LEF1: variants seen among roughly 807,000 people sequenced by gnomAD.
LEF1 encodes the protein lymphoid enhancer binding factor 1.
In LEF1, 14 loss-of-function variants were observed where a neutral mutation model predicts 51.2. The observed-to-expected ratio is 0.27, with a 90% CI of 0.18 to 0.43. The LOEUF (loss-of-function observed/expected upper bound fraction) is 0.43, where lower values mean the gene tolerates loss of function less well. Among genes scored for constraint, LEF1 ranks in the 20% least tolerant of loss-of-function variants. The pLI is 1.00. For missense variants in LEF1, 386 were observed against 512.0 expected, an observed-to-expected ratio of 0.75 and a Z score of 2.37; for synonymous variants, 185 against 183.2, an observed-to-expected ratio of 1.01 and a Z score of -0.08.
intron 8 of LEF1, among the ~76,000 whole-genome samples, chr4:108,073,578 T>C (rs1038781120): frequency 3.3e-5 from 5 of 152,168 alleles, no homozygotes; most frequent in Admixed American, 6.5e-5. Flanking sequence ...TTTATTACTG[T>C]ATCAGTATAG....
chr4:108,109,297 C>A (rs367815785), intron 3 of LEF1, among the ~76,000 whole-genome samples: 1 of 152,218 alleles, frequency 6.6e-6, no homozygotes, highest in Non-Finnish European at 1.5e-5. Flanking sequence ...AGAAGCTAAA[C>A]GCTGTTGACT....
chr4:108,124,620 G>A (rs952887323), intron 3 of LEF1, among the ~76,000 whole-genome samples: 13 of 152,092 alleles, frequency 8.5e-5, no homozygotes, highest in South Asian at 2.1e-4. Context: ...CACCTGCCTC[G>A]GCCTCCCAAA....
At position 108,157,185 on chromosome 4, in the gene LEF1, C is replaced by T. The variant is rs867651079; in HGVS notation, c.414+6383G>A. On this transcript the variant is annotated intron_variant, in intron 3 of 11. Transcript: ENST00000265165. ...CTCTCTCTCTATATATATATACACACACACACACACACACACACACACACA... is the reference window on the plus strand; with the variant it reads ...CTCTCTCTCTATATATATATACACATACACACACACACACACACACACACA... Among the ~76,000 whole-genome samples the T allele has an allele frequency of 2.1e-3, 302 of 145,192 alleles. 3 individuals carry two copies. The highest frequency in any genetic ancestry group is 5.8e-3 in the East Asian group (29 of 4,982).
intron 3 of LEF1, among the ~76,000 whole-genome samples, chr4:108,122,950 C>T (rs1742270686): frequency 6.6e-6 from 1 of 152,214 alleles, no homozygotes; most frequent in South Asian, 2.1e-4. Context: ...ATAACACTTA[C>T]GACAACACAG....
chr4:108,125,735 G>A (rs1488999528), intron 3 of LEF1, among the ~76,000 whole-genome samples: 1 of 149,120 alleles, frequency 6.7e-6, no homozygotes, highest in Admixed American at 6.7e-5. Context: ...TTTTTAGCAC[G>A]CATATTGGGA....
rs541603269 is a variant in LEF1, at chr4:108,127,767, G to C, written c.414+35801C>G. ...CAAGAGAACTTAGAGATGCAACAGG[G>C]GGGTATGTAGCTTGTACAAGACAAA... is the stretch of plus-strand genomic sequence containing the variant. On this transcript the variant is annotated intron_variant, in intron 3 of 11. Coordinates refer to ENST00000265165, the MANE Select transcript of LEF1 (RefSeq NM_016269.5). Among the ~76,000 whole-genome samples the C allele has an allele frequency of 3.0e-4, 46 of 152,312 alleles. No individual in the cohort carries two copies. The South Asian group carries it at 9.5e-3, about 32-fold the overall frequency.
chr4:108,112,172 T>C (rs1741574027), intron 3 of LEF1, among the ~76,000 whole-genome samples: 1 of 152,190 alleles, frequency 6.6e-6, no homozygotes, highest in Non-Finnish European at 1.5e-5. Flanking sequence ...GTGTGGCTGC[T>C]GGGGCATTAG....
At chr4:108,118,748 C>T (rs552228804) in intron 3 of LEF1, among the ~76,000 whole-genome samples, 2 of 152,142 alleles carry the variant, frequency 1.3e-5, no homozygotes, top group East Asian at 1.9e-4. Context: ...GCAGCCTGCT[C>T]GAGTAGGTAA....
intron 3 of LEF1, among the ~76,000 whole-genome samples, chr4:108,147,500 T>G (rs144471216): frequency 6.6e-6 from 1 of 152,196 alleles, no homozygotes; most frequent in Admixed American, 6.5e-5. Context: ...ATATTTCTTT[T>G]TGAAAAATTT....
In LEF1 at chr4:108,098,224, G is replaced by A. The variant is rs1578339815; in HGVS notation, c.415-8967C>T. ...CACCACAGCCACACCTCTCTATTAT[G>A]CAGTTTAGAGGGTGGAAGGGCTCTC... On this transcript the variant is annotated intron_variant, in intron 3 of 11. Transcript: ENST00000265165. Among the ~76,000 whole-genome samples, 6 of 152,246 alleles carry A rather than the reference G, an allele frequency of 3.9e-5. 1 individual carries two copies. The South Asian group carries it at 1.2e-3, about 32-fold the overall frequency.
At chr4:108,129,711 C>T (rs552862008) in intron 3 of LEF1, among the ~76,000 whole-genome samples, 6 of 152,214 alleles carry the variant, frequency 3.9e-5, no homozygotes, top group Admixed American at 2.6e-4. Flanking sequence ...ACAAAATATT[C>T]CTCATTAATA....
intron 3 of LEF1, among the ~76,000 whole-genome samples, chr4:108,128,502 G>A (rs915643699): frequency 3.3e-5 from 5 of 149,682 alleles, no homozygotes; most frequent in Non-Finnish European, 5.9e-5. Context: ...GCAGACTGAG[G>A]AAGGGCTTTT....
intron 9 of LEF1, among the ~76,000 whole-genome samples, chr4:108,069,847 G>T (rs1466463626): frequency 6.6e-6 from 1 of 151,724 alleles, no homozygotes; most frequent in Non-Finnish European, 1.5e-5. Flanking sequence ...AATCCCAACT[G>T]CTTGAGAGGC....
intron 3 of LEF1, among the ~76,000 whole-genome samples, chr4:108,122,322 T>A (rs543875558): frequency 6.6e-6 from 1 of 152,314 alleles, no homozygotes; most frequent in South Asian, 2.1e-4. Flanking sequence ...TTATCTGTTA[T>A]TATCATAGTT....
intron 4 of LEF1, among the ~76,000 whole-genome samples, chr4:108,085,466 T>A (rs1257285729): frequency 6.6e-6 from 1 of 152,232 alleles, no homozygotes; most frequent in South Asian, 2.1e-4. Context: ...CTGTTTTCTG[T>A]CCTGAACTTT....
At chr4:108,127,876 T>C (rs1742644206) in intron 3 of LEF1, among the ~76,000 whole-genome samples, 1 of 152,142 alleles carries the variant, frequency 6.6e-6, no homozygotes, top group South Asian at 2.1e-4. Context: ...ATTGGGTGTT[T>C]GTCCTTGCAT....
intron 4 of LEF1, among the ~76,000 whole-genome samples, chr4:108,084,294 G>GA (rs1307195877): frequency 6.6e-5 from 10 of 152,074 alleles, no homozygotes; most frequent in African/African-American, 2.2e-4. Context: ...ATTCAGAATA[G>GA]AAAAAAAGCC....
At chr4:108,135,720 G>C (rs1039425036) in intron 3 of LEF1, among the ~76,000 whole-genome samples, 3 of 152,154 alleles carry the variant, frequency 2.0e-5, no homozygotes, top group Non-Finnish European at 4.4e-5. Context: ...GCCTGCCAGC[G>C]GGGGAGTTGT....
intron 11 of LEF1, among the ~76,000 whole-genome samples, chr4:108,051,980 C>T (rs1737027605): frequency 6.6e-6 from 1 of 152,192 alleles, no homozygotes; most frequent in African/African-American, 2.4e-5. Flanking sequence ...CTCCTTCTCT[C>T]TAAGCCCAAA....
Sources: gnomAD v4.1 joint callset for allele counts (sites outside exome capture counted in the v4.1 genomes callset) on GRCh38, gnomAD v4.1.1 for gene constraint, MANE v1.5 for transcripts, NCBI Gene and HGNC (gene_info 2026-07-23, HGNC 2026-07-21) for gene names.